The following EPHA1 variants were observed in gnomAD, a reference collection of about 807,000 sequenced individuals.
EPHA1 encodes the protein ephrin type-A receptor 1.
Under a neutral mutation model 110.1 loss-of-function variants are expected in EPHA1, and 92 were observed. That is an observed-to-expected ratio of 0.84 (90% confidence interval 0.71 to 0.99). The LOEUF is 0.99. Among genes scored for constraint, EPHA1 ranks in the 50% least tolerant of loss-of-function variants. The pLI is 0.00. For synonymous variants in EPHA1, 500 were observed against 516.1 expected (o/e 0.97, Z 0.42); for missense variants, 1,204 against 1,285.4 (o/e 0.94, Z 0.97).
chr7:143,397,363 C>T lies in EPHA1; in HGVS notation c.1713-1G>A. The T allele has an allele frequency of 6.5e-7, 1 of 1,549,738 alleles. No homozygotes were observed. Among genetic ancestry groups the T allele is most frequent in the Non-Finnish European group, 8.7e-7 (1 of 1,146,716 alleles). On this transcript the variant is annotated splice_acceptor_variant, in intron 9 of 17. Coordinates refer to ENST00000275815, the MANE Select transcript of EPHA1 (RefSeq NM_005232.5). LOFTEE classifies it high-confidence loss of function. ...CTGCTGCCTCTGCCGCTGGGCTCTC[C>T]TGTGGGGGTTGGGGACCAGCTCCTT...
At chr7:143,406,456 C>A (rs1340945837) in intron 2 of EPHA1, among the ~76,000 whole-genome samples, 2 of 152,210 alleles carry the variant, frequency 1.3e-5, no homozygotes, top group African/African-American at 4.8e-5. Flanking sequence ...TTTGTAATAA[C>A]CGTTATAGTA....
Position 143,407,529 on chromosome 7 carries a change from C to G in EPHA1, c.150+82G>C. Reference sequence around the variant, plus strand: ...CTTCCAGTTTTTCCTGCTCTTTTCTCTGTTCCTCCACCCACCTCTCCACCC... The same window carrying G: ...CTTCCAGTTTTTCCTGCTCTTTTCTGTGTTCCTCCACCCACCTCTCCACCC... On this transcript the variant is annotated intron_variant, in intron 2 of 17. Transcript: ENST00000275815. The G allele has an allele frequency of 2.1e-6, 3 of 1,412,942 alleles. No individual in the cohort carries two copies. The Admixed American group carries it at 5.6e-5, about 26-fold the overall frequency. The allele number at this position is 1,412,942 out of a possible 1,614,324, so 87.5% of individuals were successfully genotyped here. A position where few individuals can be genotyped will look rare whatever the true frequency, so the allele number is the denominator to read the frequency against.
chr7:143,400,679 C>G (rs886224682), intron 3 of EPHA1: 1 of 153,834 alleles, frequency 6.5e-6, no homozygotes, highest in Non-Finnish European at 1.4e-5. Flanking sequence ...TAGGAAAAGT[C>G]TAAATAACTC....
chr7:143,408,850 A>G lies in EPHA1; in HGVS notation c.-45T>C. On this transcript the variant is annotated 5_prime_UTR_variant, in exon 1 of 18. Transcript: ENST00000275815. ...GGACAGTGGCCCGGATGGCAGCGCC[A>G]GGTTGCAAGGGACTAGGAGAGCCGG... 2 of 930,136 alleles carry G rather than the reference A, an allele frequency of 2.2e-6. No homozygotes were observed. The highest frequency in any genetic ancestry group is 2.5e-6 in the Non-Finnish European group (2 of 811,770). The allele number at this position is 930,136 out of a possible 1,614,324, so 57.6% of individuals were successfully genotyped here.
rs770685456 is a variant in EPHA1, at chr7:143,393,631, G to A, written c.2696+40C>T. On this transcript the variant is annotated intron_variant, in intron 16 of 17. Coordinates refer to ENST00000275815, the MANE Select transcript of EPHA1 (RefSeq NM_005232.5). The surrounding 1 kb of genome is among the most constrained non-coding windows in gnomAD (Gnocchi z 5.6). ...GAATGCCCATTTCCACTCTCCTAGC[G>A]CTGCCTCTGGGTTCCCTAGTCCTTC... is the stretch of plus-strand genomic sequence containing the variant. 9.4e-6 allele frequency: 15 copies of A among 1,601,022 alleles called. No homozygotes were observed. The highest frequency in any genetic ancestry group is 5.4e-5 in the African/African-American group (4 of 74,640).
At position 143,395,534 on chromosome 7, in the gene EPHA1, G is replaced by A. The variant is rs199512561; in HGVS notation, c.1898-30C>T. The A allele has an allele frequency of 2.0e-4, 316 of 1,609,144 alleles. No homozygotes were observed. In the African/African-American group the frequency reaches 3.4e-3, roughly 17 times the overall value. ...GTAGAAAGAAAACAGGCTGTGGCCC[G>A]ATGCACTGCAGGGCTCCTCCAGGGG... On this transcript the variant is annotated intron_variant, in intron 11 of 17. Transcript: ENST00000275815. The surrounding 1 kb of genome is among the most constrained non-coding windows in gnomAD (Gnocchi z 4.7).
intron 16 of EPHA1, 92 bp from the exon 17 acceptor site, chr7:143,391,867 G>C: frequency 6.5e-7 from 1 of 1,546,522 alleles, no homozygotes; most frequent in Non-Finnish European, 8.7e-7. Flanking sequence ...ACTGAAGTTC[G>C]GTGTCTGGGC....
chr7:143,401,080 A>G lies in EPHA1; in HGVS notation c.432+244T>C. On this transcript the variant is annotated intron_variant, in intron 3 of 17. Transcript: ENST00000275815. The surrounding 1 kb of genome is among the most constrained non-coding windows in gnomAD (Gnocchi z 4.1). Reference sequence around the variant, plus strand: ...AGGTGATTTTTAATTTTTTGCAGAGATGAAGTTTTGCTATGTTGCCCAGGC... The same window carrying G: ...AGGTGATTTTTAATTTTTTGCAGAGGTGAAGTTTTGCTATGTTGCCCAGGC... The G allele has an allele frequency of 3.6e-6, 2 of 555,178 alleles. No homozygotes were observed. The highest frequency in any genetic ancestry group is 6.3e-5 in the East Asian group (2 of 31,536). The allele number at this position is 555,178 out of a possible 1,614,324, so 34.4% of individuals were successfully genotyped here. A position where few individuals can be genotyped will look rare whatever the true frequency, so the allele number is the denominator to read the frequency against.
At chr7:143,406,450 T>A (rs1268032457) in intron 2 of EPHA1, among the ~76,000 whole-genome samples, 1 of 152,228 alleles carries the variant, frequency 6.6e-6, no homozygotes, top group Non-Finnish European at 1.5e-5. Context: ...GTACCATTTG[T>A]AATAACCGTT....
In EPHA1 at chr7:143,398,190, A is replaced by G. The variant is rs966879471; in HGVS notation, c.1465-120T>C. On this transcript the variant is annotated intron_variant, in intron 7 of 17. Transcript: ENST00000275815. ...CAGAATGGTTAGGACAGGGTTCTTC[A>G]TAGACTTTTGTCCTGAGAAAGCCAC... 2.5e-6 allele frequency: 4 copies of G among 1,574,768 alleles called. No individual in the cohort carries two copies. In the African/African-American group the frequency reaches 5.4e-5, roughly 21 times the overall value.
intron 2 of EPHA1, among the ~76,000 whole-genome samples, chr7:143,403,467 G>A (rs1426988659): frequency 1.3e-5 from 2 of 152,000 alleles, no homozygotes; most frequent in Non-Finnish European, 2.9e-5. Context: ...TTGTAGAGAA[G>A]GCCATAATTT....
chr7:143,408,693 G>A (rs1323107015), intron 1 of EPHA1, 31 bp downstream of exon 1: 14 of 503,600 alleles, frequency 2.8e-5, no homozygotes, highest in Non-Finnish European at 4.3e-5. Flanking sequence ...CGGGGCGCGG[G>A]GGTTGGGGGC....
chr7:143,395,047 G>A lies in EPHA1; in HGVS notation c.2146-33C>T. On this transcript the variant is annotated intron_variant, in intron 13 of 17. Transcript: ENST00000275815. The surrounding 1 kb of genome is among the most constrained non-coding windows in gnomAD (Gnocchi z 4.7). Reference sequence around the variant, plus strand: ...AGGGTGAGTGGGTGAGTCAGGGGATGGGCCAGGTCTCCTCCCAGTGCCCAG... The same window carrying A: ...AGGGTGAGTGGGTGAGTCAGGGGATAGGCCAGGTCTCCTCCCAGTGCCCAG... 9 of 1,613,868 alleles carry A rather than the reference G, an allele frequency of 5.6e-6. No individual in the cohort carries two copies. The highest frequency in any genetic ancestry group is 7.6e-6 in the Non-Finnish European group (9 of 1,179,888).
At chr7:143,407,050 G>A (rs1193999216) in intron 2 of EPHA1, among the ~76,000 whole-genome samples, 1 of 152,088 alleles carries the variant, frequency 6.6e-6, no homozygotes, top group Non-Finnish European at 1.5e-5. Flanking sequence ...AAACCTTTAG[G>A]GGAGCAGCTT....
intron 5 of EPHA1, 56 bp downstream of exon 5, chr7:143,399,202 T>C (rs1287895952): frequency 6.4e-7 from 1 of 1,573,298 alleles, no homozygotes; most frequent in Non-Finnish European, 8.6e-7. Flanking sequence ...TGACAAAGTC[T>C]CAGCAAAGAT....
In EPHA1 at chr7:143,397,304, C is replaced by T; in HGVS notation, c.1771G>A (p.Glu591Lys). ...QRDRATDVDR[E>K]DKLWLKPYVD... is the part of the protein sequence containing the mutation. ...ACACACGCAGGTGCACCCGACTCAC[C>T]TCGATCCACATCGGTGGCGCGGTCA... is the stretch of plus-strand genomic sequence containing the variant. Residue 591 changes from glutamate (E) to lysine (K), a missense_variant and splice_region_variant, in exon 10 of 18, where the codon GAG becomes AAG. Physicochemically the swap from Glu to Lys is moderately conservative, Grantham distance 56 (BLOSUM62 1). Coordinates refer to ENST00000275815, the MANE Select transcript of EPHA1 (RefSeq NM_005232.5). The T allele has an allele frequency of 1.3e-6, 2 of 1,549,274 alleles. No individual in the cohort carries two copies. The highest frequency in any genetic ancestry group is 1.7e-6 in the Non-Finnish European group (2 of 1,146,604).
chr7:143,400,283 T>C (rs1311800033), intron 3 of EPHA1, among the ~76,000 whole-genome samples: 1 of 152,158 alleles, frequency 6.6e-6, no homozygotes, highest in Non-Finnish European at 1.5e-5. Context: ...AAACCAAGGC[T>C]AATAGAAGAT....
intron 8 of EPHA1, 22 bp downstream of exon 8, chr7:143,397,898 G>T (rs199646340): frequency 6.2e-7 from 1 of 1,612,800 alleles, no homozygotes; most frequent in Non-Finnish European, 8.5e-7. Context: ...TGTGTGTTGG[G>T]GCAGAGCACA....
chr7:143,399,685 G>C lies in EPHA1; in HGVS notation c.801C>G (p.Gly267=), dbSNP rs1805361465. 6.2e-7 allele frequency: 1 copy of C among 1,613,548 alleles called. No individual in the cohort carries two copies. Among genetic ancestry groups the C allele is most frequent in the South Asian group, 1.1e-5 (1 of 91,060 alleles). Residue 267 remains glycine (G), a synonymous_variant, in exon 4 of 18, where the codon GGC becomes GGG. Transcript: ENST00000275815. The part of the protein sequence containing the change: ...VPVGRCHCEP[G]YEEGGSGEAC... Reference sequence around the variant, plus strand: ...CTTCGCCACTGCCACCTTCCTCATAGCCAGGCTCACAGTGGCACCGTCCTA... The same window carrying C: ...CTTCGCCACTGCCACCTTCCTCATACCCAGGCTCACAGTGGCACCGTCCTA...
Sources: gnomAD v4.1 joint callset for allele counts (sites outside exome capture counted in the v4.1 genomes callset) on GRCh38, gnomAD v4.1.1 for gene constraint, Gnocchi (gnomAD v3.1) non-coding constraint, MANE v1.5 for transcripts, NCBI Gene and HGNC (gene_info 2026-07-23, HGNC 2026-07-21) for gene names.